LTN1: variants seen among roughly 807,000 people sequenced by gnomAD.
The protein encoded by LTN1 is listerin E3 ubiquitin protein ligase 1, also known as E3 ubiquitin-protein ligase listerin.
LTN1 carries 88 observed loss-of-function variants against 201.2 expected under a neutral mutation model. The observed-to-expected ratio is 0.44, with a 90% CI of 0.37 to 0.52. LTN1 has a LOEUF of 0.52. Among genes scored for constraint, LTN1 ranks in the 20% least tolerant of loss-of-function variants. The pLI, the probability that LTN1 is intolerant of heterozygous loss-of-function variation, is 0.00. For missense variants in LTN1, 1,752 were observed against 2,038.7 expected (o/e 0.86, Z 2.71); for synonymous variants, 645 against 713.5 (o/e 0.90, Z 1.53).
chr21:28,954,793 T>C (rs2084410727), intron 16 of LTN1, among the ~76,000 whole-genome samples: 1 of 152,134 alleles, frequency 6.6e-6, no homozygotes. Flanking sequence ...CAACTCAAAA[T>C]GGATTAGAGA....
intron 9 of LTN1, among the ~76,000 whole-genome samples, chr21:28,969,007 G>A (rs2084550227): frequency 6.6e-6 from 1 of 151,732 alleles, no homozygotes; most frequent in African/African-American, 2.4e-5. Flanking sequence ...GATCACCTGA[G>A]GTCAGCAGTT....
At chr21:28,943,163 T>C in intron 24 of LTN1, 99 bp downstream of exon 24, 1 of 642,500 alleles carries the variant, frequency 1.6e-6, no homozygotes, top group Non-Finnish European at 2.7e-6. Flanking sequence ...AGAATGAATA[T>C]AACTCTATAG....
chr21:28,986,106 A>T lies in LTN1; in HGVS notation c.345+33T>A. 1 of 1,265,764 alleles carries T rather than the reference A, an allele frequency of 7.9e-7. No individual in the cohort carries two copies. The highest frequency in any genetic ancestry group is 1.2e-6 in the Non-Finnish European group (1 of 867,260). 78.4% of individuals were successfully genotyped at this position (1,265,764 alleles called of 1,614,324 possible). A position where few individuals can be genotyped will look rare whatever the true frequency, so the allele number is the denominator to read the frequency against. On this transcript the variant is annotated intron_variant, in intron 3 of 29. Coordinates refer to ENST00000361371, the MANE Select transcript of LTN1 (RefSeq NM_015565.3). The surrounding 1 kb of genome is among the most constrained non-coding windows in gnomAD (Gnocchi z 4.1). The stretch of plus-strand genomic sequence containing the variant: ...CATGACTCCAACCAAAAAATATACA[A>T]CAGAAATAAACTAGCAAAGTTTTAA...
At position 28,988,256 on chromosome 21, in the gene LTN1, C is replaced by T. The variant is rs572073464; in HGVS notation, c.43-1322G>A. Among the ~76,000 whole-genome samples, 7 of 151,970 alleles carry T rather than the reference C, an allele frequency of 4.6e-5. No individual in the cohort carries two copies. The East Asian group carries it at 1.2e-3, about 25-fold the overall frequency. Reference sequence around the variant, plus strand: ...TCAAGGCGGGTGGATCACTTGAGCCCTGAAGTTCGAAACCAGCCTCGGCAA... The same window carrying T: ...TCAAGGCGGGTGGATCACTTGAGCCTTGAAGTTCGAAACCAGCCTCGGCAA... On this transcript the variant is annotated intron_variant, in intron 1 of 29. Coordinates refer to ENST00000361371, the MANE Select transcript of LTN1 (RefSeq NM_015565.3).
Position 28,960,542 on chromosome 21 carries a change from C to T in LTN1, c.2328G>A (p.Leu776=), listed in dbSNP as rs780192589. The stretch of plus-strand genomic sequence containing the variant: ...CATTTTTAACATGTTGGGATAATAC[C>T]AAGCTTAGAAGAGTCCATCTTTCTG... ...HFSERWTLLS[L]VLSQHVKNDY... Residue 776 remains leucine, a synonymous_variant, in exon 12 of 30, where the codon TTG becomes TTA. Coordinates refer to ENST00000361371, the MANE Select transcript of LTN1 (RefSeq NM_015565.3). 7 of 1,612,992 alleles carry T rather than the reference C, an allele frequency of 4.3e-6. No individual in the cohort carries two copies. The highest frequency in any genetic ancestry group is 8.5e-7 in the Non-Finnish European group (1 of 1,179,532).
chr21:28,960,195 C>T (rs1207468925), intron 12 of LTN1, among the ~76,000 whole-genome samples: 4 of 151,838 alleles, frequency 2.6e-5, no homozygotes, highest in Admixed American at 1.3e-4. Context: ...AGCGAAACCC[C>T]GTCTCTACTA....
rs1402088372 is a variant in LTN1, at chr21:28,941,320, A to C, written c.4382T>G (p.Ile1461Arg). 1.2e-6 allele frequency: 2 copies of C among 1,613,114 alleles called. No homozygotes were observed. Among genetic ancestry groups the C allele is most frequent in the Non-Finnish European group, 1.7e-6 (2 of 1,179,228 alleles). ...TTCACTCAGTGGTTTAATAGTAACTATCTGTCCAACAGGAATACACCCCAA... is the reference window on the plus strand; with the variant it reads ...TTCACTCAGTGGTTTAATAGTAACTCTCTGTCCAACAGGAATACACCCCAA... Reference protein sequence around the residue: ...NVLGCIPVGQIVTIKPLSEDF... With the variant: ...NVLGCIPVGQRVTIKPLSEDF... Residue 1461 changes from isoleucine to arginine, a missense_variant, in exon 25 of 30, where the codon ATA (isoleucine) becomes AGA (arginine). By Grantham distance (97) the Ile-to-Arg change is moderately conservative (BLOSUM62 -3). Around this residue, in one of 3 missense-constraint regions of LTN1, gnomAD observed 1,211 missense variants for 1,312.8 expected, o/e 0.92. Transcript: ENST00000361371.
Position 28,959,466 on chromosome 21 carries a change from T to C in LTN1, c.2585A>G (p.His862Arg), listed in dbSNP as rs1191884454. Residue 862 changes from histidine to arginine, a missense_variant, in exon 13 of 30, where the codon CAT becomes CGT. Around this residue, in one of 3 missense-constraint regions of LTN1, gnomAD observed 1,211 missense variants for 1,312.8 expected, o/e 0.92. Transcript: ENST00000361371. ...QLCAQSKEKT[H>R]LPDFLICKLK... ...GAGCAGTAGGCTATTACCTGGCAAA[T>C]GTGTTTTTTCTTTGCTCTGAGCACA... The C allele has an allele frequency of 3.7e-6, 6 of 1,612,230 alleles. No individual in the cohort carries two copies. The highest frequency in any genetic ancestry group is 3.3e-5 in the Admixed American group (2 of 59,842).
intron 16 of LTN1, 73 bp from the exon 17 acceptor site, chr21:28,953,449 A>G: frequency 4.4e-6 from 5 of 1,142,398 alleles, no homozygotes; most frequent in Non-Finnish European, 6.2e-6. Context: ...TCACTTCTCC[A>G]CCTTGTTTTC....
At chr21:28,989,102 G>A (rs1453965332) in intron 1 of LTN1, among the ~76,000 whole-genome samples, 1 of 152,028 alleles carries the variant, frequency 6.6e-6, no homozygotes, top group Non-Finnish European at 1.5e-5. Context: ...TGAATAAAGA[G>A]CCACAAAGGA....
At chr21:28,968,944 G>A (rs1181239054) in intron 9 of LTN1, among the ~76,000 whole-genome samples, 1 of 151,716 alleles carries the variant, frequency 6.6e-6, no homozygotes, top group African/African-American at 2.4e-5. Flanking sequence ...TTACAGGCCG[G>A]GCGCGGTGGC....
Position 28,943,821 on chromosome 21 carries a change from C to T in LTN1, c.4066G>A (p.Glu1356Lys). 1 of 1,613,742 alleles carries T rather than the reference C, an allele frequency of 6.2e-7. No homozygotes were observed. The highest frequency in any genetic ancestry group is 1.1e-5 in the South Asian group (1 of 91,066). Residue 1356 changes from glutamate (E) to lysine (K), a missense_variant, in exon 23 of 30, where the codon GAA becomes AAA. Glu to Lys is a moderately conservative substitution (Grantham distance 56). Coordinates refer to ENST00000361371, the MANE Select transcript of LTN1 (RefSeq NM_015565.3). ...GGAAGTTTGTGACTCAATAGCTGTT[C>T]CTTTGAGATATACGTTAATGTTTCA... The part of the protein sequence containing the change: ...MCETLTYISK[E>K]QLLSHKLPAR...
chr21:28,989,456 T>C (rs2084727883), intron 1 of LTN1, among the ~76,000 whole-genome samples: 1 of 152,114 alleles, frequency 6.6e-6, no homozygotes, highest in Admixed American at 6.6e-5. Context: ...AACAATTCTA[T>C]TTATGGCACT....
chr21:28,982,961 G>A (rs2084670277), intron 4 of LTN1, among the ~76,000 whole-genome samples: 1 of 152,194 alleles, frequency 6.6e-6, no homozygotes, highest in African/African-American at 2.4e-5. Context: ...GTTAATTCCT[G>A]CTTTATAGAT....
At position 28,943,261 on chromosome 21, in the gene LTN1, C is replaced by T; in HGVS notation, c.4295+1G>A. 6.3e-7 allele frequency: 1 copy of T among 1,584,452 alleles called. No homozygotes were observed. Among genetic ancestry groups the T allele is most frequent in the South Asian group, 1.1e-5 (1 of 88,752 alleles). ...AAACAAATTATTTAAAAAAACCTTA[C>T]AAGGCTGGCTCTTCTTCTTCATCTC... is the stretch of plus-strand genomic sequence containing the variant. On this transcript the variant is annotated splice_donor_variant, in intron 24 of 29. Transcript: ENST00000361371. LOFTEE classifies it high-confidence loss of function.
intron 11 of LTN1, among the ~76,000 whole-genome samples, chr21:28,962,585 G>A (rs560466887): frequency 2.0e-5 from 3 of 152,234 alleles, no homozygotes; most frequent in African/African-American, 7.2e-5. Flanking sequence ...TCTCTTCTCT[G>A]TCCTTAGGCA....
chr21:28,985,658 CTTTTT>C (rs781372185), intron 3 of LTN1, among the ~76,000 whole-genome samples: 1 of 137,102 alleles, frequency 7.3e-6, no homozygotes, highest in African/African-American at 2.7e-5. Flanking sequence ...ACAATCCAAT[CTTTTT>C]TTTTTTTTTT....
At position 28,944,603 on chromosome 21, in the gene LTN1, AAAC is replaced by A. The variant is rs1444938306; in HGVS notation, c.3769-10_3769-8del. Reference sequence around the variant, plus strand: ...CCTGATTCTCACTTGTTGTCTGAAAAAACAATAAAAATGAAATAGGTAAACAGA... The same window carrying A: ...CCTGATTCTCACTTGTTGTCTGAAAAAATAAAAATGAAATAGGTAAACAGA... On this transcript the variant is annotated splice_polypyrimidine_tract_variant and splice_region_variant and intron_variant, in intron 21 of 29. Transcript: ENST00000361371. 3 of 1,600,820 alleles carry A rather than the reference AAAC, an allele frequency of 1.9e-6. No homozygotes were observed. The South Asian group carries it at 3.3e-5, about 18-fold the overall frequency.
intron 6 of LTN1, among the ~76,000 whole-genome samples, chr21:28,979,541 G>GT (rs1427964778): frequency 6.6e-6 from 1 of 152,104 alleles, no homozygotes; most frequent in Non-Finnish European, 1.5e-5. Flanking sequence ...AAATATAACA[G>GT]TATCATTTAT....
Sources: allele counts gnomAD v4.1 joint callset (sites outside exome capture counted in the v4.1 genomes callset), GRCh38; gene constraint gnomAD v4.1.1; regional missense constraint gnomAD v4.1.1; non-coding constraint Gnocchi (gnomAD v3.1); transcripts MANE v1.5; gene names NCBI Gene and HGNC (gene_info 2026-07-23, HGNC 2026-07-21).